GP6: variants seen among roughly 807,000 people sequenced by gnomAD.
GP6 encodes glycoprotein VI platelet, also known as platelet glycoprotein VI.
Under a neutral mutation model 37.3 loss-of-function variants are expected in GP6, and 45 were observed. The observed-to-expected ratio is 1.21, with a 90% CI of 0.95 to 1.55. GP6 has a LOEUF of 1.55. Among genes scored for constraint, GP6 ranks in the 40% most tolerant of loss-of-function variants. The pLI, the probability that GP6 is intolerant of heterozygous loss-of-function variation, is 0.00. For synonymous variants in GP6, 340 were observed against 316.4 expected (o/e 1.07, Z -0.79); for missense variants, 813 against 760.2 (o/e 1.07, Z -0.82).
chr19:55,014,206 C>T lies in GP6; in HGVS notation c.1739G>A (p.Gly580Asp). 1 of 752,242 alleles carries T rather than the reference C, an allele frequency of 1.3e-6. No homozygotes were observed. The highest frequency in any genetic ancestry group is 2.4e-6 in the Non-Finnish European group (1 of 422,226). The allele number at this position is 752,242 out of a possible 1,614,324, so 46.6% of individuals were successfully genotyped here. The change falls in exon 8 of 8, where the codon GGC becomes GAC. Residue 580 changes from glycine to aspartate, a missense_variant. Gly to Asp is a moderately conservative substitution (Grantham distance 94). Transcript: ENST00000310373. Reference sequence around the variant, plus strand: ...GCAACCTCTGCCTCCCAGGCTCAAGCCATTCTCCCACCTCAGCCCCCTGAG... The same window carrying T: ...GCAACCTCTGCCTCCCAGGCTCAAGTCATTCTCCCACCTCAGCCCCCTGAG...
At position 55,014,292 on chromosome 19, in the gene GP6, T is replaced by C. The variant is rs1485128853; in HGVS notation, c.1653A>G (p.Gln551=). ...CTAATTTTTGTGTTTTTTTGTTTTG[T>C]TGGTAGAGATGAGGTTTCACCATGT... The change falls in exon 8 of 8, where the codon CAA becomes CAG. Residue 551 remains glutamine, a synonymous_variant. Coordinates refer to ENST00000310373, the MANE Select transcript of GP6 (RefSeq NM_001083899.2). 7.0e-7 allele frequency: 1 copy of C among 1,434,626 alleles called. No homozygotes were observed. Among genetic ancestry groups the C allele is most frequent in the Non-Finnish European group, 9.8e-7 (1 of 1,020,242 alleles). 88.9% of individuals were successfully genotyped at this position (1,434,626 alleles called of 1,614,324 possible).
intron 3 of GP6, among the ~76,000 whole-genome samples, chr19:55,030,151 G>A (rs2074504598): frequency 1.3e-5 from 2 of 151,890 alleles, no homozygotes; most frequent in South Asian, 4.2e-4. Flanking sequence ...TTTTGTGGAT[G>A]CAAGCGCATC....
intron 3 of GP6, 43 bp from the exon 4 acceptor site, chr19:55,027,905 A>G (rs1243395615): frequency 1.2e-6 from 2 of 1,603,316 alleles, no homozygotes; most frequent in Non-Finnish European, 1.7e-6. Context: ...AGGAGCCAGC[A>G]TCTCAGCTGA....
intron 1 of GP6, among the ~76,000 whole-genome samples, chr19:55,035,675 C>T (rs112822051): frequency 0.033 from 4,959 of 151,620 alleles, 81 homozygotes; most frequent in African/African-American, 0.039. Flanking sequence ...CAACGTCATG[C>T]CACTGCGCTC....
intron 3 of GP6, 94 bp downstream of exon 3, chr19:55,032,045 T>C (rs2074577093): frequency 1.6e-6 from 2 of 1,282,678 alleles, no homozygotes. Flanking sequence ...AGTGCCTCGT[T>C]TGCCTCACCC....
intron 6 of GP6, among the ~76,000 whole-genome samples, chr19:55,017,211 A>G (rs2073909760): frequency 6.6e-6 from 1 of 150,414 alleles, no homozygotes; most frequent in South Asian, 2.1e-4. Flanking sequence ...CCAACTCGTG[A>G]GTTCAAGCGA....
At chr19:55,037,992 C>G (rs920963598) in intron 1 of GP6, among the ~76,000 whole-genome samples, 1 of 152,128 alleles carries the variant, frequency 6.6e-6, no homozygotes, top group Non-Finnish European at 1.5e-5. Context: ...ATACTCTGTT[C>G]ATTTCCTGAC....
At chr19:55,029,751 G>A (rs778528118) in intron 3 of GP6, among the ~76,000 whole-genome samples, 11 of 151,404 alleles carry the variant, frequency 7.3e-5, no homozygotes, top group African/African-American at 2.7e-4. Context: ...ATACCAGATA[G>A]TGAGGAGGGC....
intron 5 of GP6, among the ~76,000 whole-genome samples, chr19:55,024,327 T>C (rs56724447): frequency 0.078 from 2,334 of 29,816 alleles, 77 homozygotes; most frequent in African/African-American, 0.14. Context: ...CACACACACA[T>C]ATGCACGCAC....
At chr19:55,029,278 G>A (rs1366545945) in intron 3 of GP6, among the ~76,000 whole-genome samples, 12 of 129,750 alleles carry the variant, frequency 9.2e-5, no homozygotes, top group African/African-American at 3.2e-4. Flanking sequence ...GTTTTGAGAC[G>A]GAGTCTCGCT....
At chr19:55,020,572 A>T (rs1012529249) in intron 5 of GP6, among the ~76,000 whole-genome samples, 3 of 152,174 alleles carry the variant, frequency 2.0e-5, no homozygotes, top group African/African-American at 7.2e-5. Flanking sequence ...ATGGCTGCAT[A>T]GTATTCCATG....
chr19:55,029,374 ATTTTTTTTTTTTTTTTTTTTT>A (rs1160805363), intron 3 of GP6, among the ~76,000 whole-genome samples: 1 of 4,436 alleles, frequency 2.3e-4, no homozygotes, highest in African/African-American at 6.7e-4. Flanking sequence ...ATATATATAT[ATTTTTTTTTTTTTTTTTTTTT>A]TTTTTTTTTT....
At chr19:55,015,283 C>T (rs551715655) in intron 7 of GP6, 118 bp from the exon 8 acceptor site, 180 of 1,499,410 alleles carry the variant, frequency 1.2e-4, no homozygotes, top group Admixed American at 2.2e-4. Context: ...GGATGCCGCT[C>T]ACTTTCCTGG....
At position 55,034,181 on chromosome 19, in the gene GP6, C is replaced by T. The variant is rs1010924357; in HGVS notation, c.35-1643G>A. The stretch of plus-strand genomic sequence containing the variant: ...GTGTGTGTGTGTGTGTGTGTGTATA[C>T]ATATGTATACAAATACATGTACATA... On this transcript the variant is annotated intron_variant, in intron 1 of 7. Coordinates refer to ENST00000310373, the MANE Select transcript of GP6 (RefSeq NM_001083899.2). Among the ~76,000 whole-genome samples the T allele has an allele frequency of 2.2e-3, 232 of 107,216 alleles. 1 individual carries two copies. The highest frequency in any genetic ancestry group is 7.6e-3 in the African/African-American group (221 of 29,150). 70.3% of individuals were successfully genotyped at this position (107,216 alleles called of 152,430 possible).
At chr19:55,034,374 G>A (rs946717529) in intron 1 of GP6, among the ~76,000 whole-genome samples, 2 of 151,950 alleles carry the variant, frequency 1.3e-5, no homozygotes, top group African/African-American at 4.8e-5. Flanking sequence ...GGTCAACATG[G>A]TGAAACACCA....
intron 5 of GP6, among the ~76,000 whole-genome samples, chr19:55,024,226 GAGAA>G (rs2074185977): frequency 8.5e-6 from 1 of 117,330 alleles, no homozygotes; most frequent in South Asian, 2.8e-4. Context: ...CATTTCAAAA[GAGAA>G]AGTTCAAAAA....
chr19:55,027,707 AC>A lies in GP6; in HGVS notation c.480del (p.Trp160CysfsTer11). On this transcript the variant is annotated frameshift_variant, in exon 4 of 8. Coordinates refer to ENST00000310373, the MANE Select transcript of GP6 (RefSeq NM_001083899.2). LOFTEE classifies it high-confidence loss of function. ...GTGATGATGGGAAAACTAGCCCTGT[AC>A]CATCTCTCGGGATTCTTGTAGGGCG... 6.2e-7 allele frequency: 1 copy of A among 1,613,426 alleles called. No homozygotes were observed. Among genetic ancestry groups the A allele is most frequent in the East Asian group, 2.2e-5 (1 of 44,866 alleles).
chr19:55,029,974 G>A (rs2074499839), intron 3 of GP6, among the ~76,000 whole-genome samples: 2 of 152,174 alleles, frequency 1.3e-5, no homozygotes, highest in Admixed American at 1.3e-4. Context: ...GAATTAGGGT[G>A]GCGTGAGTGA....
chr19:55,025,535 G>A (rs182774138), intron 4 of GP6, among the ~76,000 whole-genome samples: 9 of 152,130 alleles, frequency 5.9e-5, no homozygotes, highest in East Asian at 1.9e-4. Context: ...GTGAAACCCC[G>A]TCTCCACTAA....
Sources: gnomAD v4.1 joint callset for allele counts (sites outside exome capture counted in the v4.1 genomes callset) on GRCh38, gnomAD v4.1.1 for gene constraint, MANE v1.5 for transcripts, NCBI Gene and HGNC (gene_info 2026-07-23, HGNC 2026-07-21) for gene names.